Variants in RNF103 observed in about 807,000 individuals in gnomAD.
The protein encoded by RNF103 is ring finger protein 103, also known as E3 ubiquitin-protein ligase RNF103.
RNF103 carries 23 observed loss-of-function variants against 66.2 expected under a neutral mutation model. The observed-to-expected ratio is 0.35, with a 90% CI of 0.25 to 0.49. The LOEUF (loss-of-function observed/expected upper bound fraction) is 0.49, where lower values mean the gene tolerates loss of function less well. Ranked by LOEUF, RNF103 falls within the 20% of genes least tolerant of loss-of-function variation. The pLI, the probability that RNF103 is intolerant of heterozygous loss-of-function variation, is 0.98. For missense variants in RNF103, 730 were observed against 814.7 expected (o/e 0.90, Z 1.27); for synonymous variants, 297 against 289.9 (o/e 1.02, Z -0.25).
Position 86,604,225 on chromosome 2 carries a change from C to T in RNF103, c.1676G>A (p.Ser559Asn). 6.2e-7 allele frequency: 1 copy of T among 1,614,102 alleles called. No homozygotes were observed. Residue 559 changes from serine to asparagine, a missense_variant, in exon 4 of 4, where the codon AGC becomes AAC. Around this residue, in one of 3 missense-constraint regions of RNF103, gnomAD observed 355 missense variants for 351.9 expected, o/e 1.01. Transcript: ENST00000237455. ...TGTTCCTGGAGAATTGTGAAGTACG[C>T]TTTGCTTATCTTCAAATACTTCCTT... The part of the protein sequence containing the change: ...SEKEVFEDKQ[S>N]VLHNSPGTAS...
Position 86,604,754 on chromosome 2 carries a change from A to G in RNF103, c.1147T>C (p.Leu383=). The change falls in exon 4 of 4, where the codon TTA becomes CTA. Residue 383 remains leucine (L), a synonymous_variant. Coordinates refer to ENST00000237455, the MANE Select transcript of RNF103 (RefSeq NM_005667.4). ...AAGCTATATTCATAAAAGCTATCTA[A>G]GTAAGGTAGCTGTAAAAAGCCCAAC... ...PVLGFLQLPY[L]DSFYEYSLKL... 1 of 1,614,082 alleles carries G rather than the reference A, an allele frequency of 6.2e-7. No homozygotes were observed. The highest frequency in any genetic ancestry group is 1.3e-5 in the African/African-American group (1 of 75,046).
chr2:86,604,425 G>A lies in RNF103; in HGVS notation c.1476C>T (p.Arg492=), dbSNP rs187146130. Residue 492 remains arginine, a synonymous_variant, in exon 4 of 4, where the codon CGC becomes CGT. Coordinates refer to ENST00000237455, the MANE Select transcript of RNF103 (RefSeq NM_005667.4). ...GAAGCCAAAGGTCAGGGAAAGCTAA[G>A]CGCTCCAAGAATAAGTCAGGGTCTT... ...WDEDPDLFLE[R]LAFPDLWLHP... is the part of the protein sequence containing the mutation. 5.6e-6 allele frequency: 9 copies of A among 1,614,216 alleles called. No individual in the cohort carries two copies. The East Asian group carries it at 1.8e-4, about 32-fold the overall frequency.
At chr2:86,614,931 A>C (rs1678959168) in intron 2 of RNF103, 1 of 985,422 alleles carries the variant, frequency 1.0e-6, no homozygotes, top group Non-Finnish European at 1.2e-6. Flanking sequence ...GCAGAATGAC[A>C]CTGCTCCAAG....
At chr2:86,617,224 T>A in intron 2 of RNF103, 1 of 984,964 alleles carries the variant, frequency 1.0e-6, no homozygotes, top group Non-Finnish European at 1.2e-6. Flanking sequence ...ATGAAGAGGA[T>A]TGAACTGGCT....
chr2:86,615,538 A>AAT (rs1553415800), intron 2 of RNF103, among the ~76,000 whole-genome samples: 12 of 137,258 alleles, frequency 8.7e-5, no homozygotes, highest in African/African-American at 1.8e-4. Flanking sequence ...ATATATATAT[A>AAT]ATATATATAC....
chr2:86,617,932 G>T, intron 2 of RNF103: 2 of 804,608 alleles, frequency 2.5e-6, no homozygotes, highest in Non-Finnish European at 3.6e-6. Context: ...TTCAGACCAG[G>T]CCAGCCATTT....
intron 2 of RNF103, among the ~76,000 whole-genome samples, chr2:86,618,918 G>A (rs1679119844): frequency 6.6e-6 from 1 of 152,168 alleles, no homozygotes; most frequent in African/African-American, 2.4e-5. Context: ...AATAGATAAT[G>A]TATAGACTAC....
At chr2:86,612,751 A>T (rs1678847441) in intron 2 of RNF103, 1 of 152,672 alleles carries the variant, frequency 6.5e-6, no homozygotes. Flanking sequence ...AGTCAAACAC[A>T]TGTTTTCTAT....
At chr2:86,616,675 G>A in intron 2 of RNF103, 1 of 985,306 alleles carries the variant, frequency 1.0e-6, no homozygotes, top group Non-Finnish European at 1.2e-6. Context: ...AGTAAATATT[G>A]ACCCAAAGCT....
intron 2 of RNF103, chr2:86,615,229 AAG>A (rs1338514350): frequency 2.9e-5 from 29 of 985,294 alleles, no homozygotes; most frequent in Non-Finnish European, 3.5e-5. Context: ...TTTGGTTTTG[AAG>A]AGTTTAAGGA....
At chr2:86,613,957 G>A (rs1427653107) in intron 2 of RNF103, 1 of 152,020 alleles carries the variant, frequency 6.6e-6, no homozygotes, top group Admixed American at 6.6e-5. Flanking sequence ...AAGGGACAGG[G>A]TCTCACTCTG....
In RNF103 at chr2:86,620,347, C is replaced by T; in HGVS notation, c.349G>A (p.Gly117Ser). The T allele has an allele frequency of 6.2e-7, 1 of 1,602,986 alleles. No individual in the cohort carries two copies. The highest frequency in any genetic ancestry group is 2.2e-5 in the East Asian group (1 of 44,824). ...FYELVEDTKD[G>S]IWLVQVIAND... is the part of the protein sequence containing the mutation. ...TTTCATACCTGAACCAGCCAGATGC[C>T]ATCTTTTGTGTCTTCCACAAGCTCA... Residue 117 changes from glycine (G) to serine (S), a missense_variant, in exon 2 of 4, where the codon GGC becomes AGC. Coordinates refer to ENST00000237455, the MANE Select transcript of RNF103 (RefSeq NM_005667.4).
chr2:86,612,170 G>A lies in RNF103; in HGVS notation c.471C>T (p.Ser157=). 6.2e-7 allele frequency: 1 copy of A among 1,608,244 alleles called. No individual in the cohort carries two copies. Among genetic ancestry groups the A allele is most frequent in the Non-Finnish European group, 8.5e-7 (1 of 1,177,424 alleles). Residue 157 remains serine (S), a synonymous_variant, in exon 3 of 4, where the codon TCC becomes TCT. Coordinates refer to ENST00000237455, the MANE Select transcript of RNF103 (RefSeq NM_005667.4). ...FGIRTGTFNC[S]SDPRYCRRRG... ...CCTAATCAACTTACCTGGGATCACT[G>A]GAACAGTTAAATGTGCCTGTACGTA...
intron 2 of RNF103, chr2:86,617,429 T>C: frequency 1.9e-6 from 1 of 531,940 alleles, no homozygotes; most frequent in Non-Finnish European, 2.4e-6. Context: ...TTTACATAAA[T>C]GTTATTTCAG....
intron 2 of RNF103, 90 bp downstream of exon 2, chr2:86,620,240 A>G: frequency 7.2e-7 from 1 of 1,385,410 alleles, no homozygotes; most frequent in Non-Finnish European, 9.5e-7. Flanking sequence ...ACACAAGGAC[A>G]CGGAAGTGTC....
chr2:86,616,631 C>T, intron 2 of RNF103: 1 of 985,310 alleles, frequency 1.0e-6, no homozygotes, highest in African/African-American at 1.7e-5. Context: ...TAACTCTTGT[C>T]AGCCAAACAG....
chr2:86,615,257 G>A (rs1300988053), intron 2 of RNF103: 1 of 984,976 alleles, frequency 1.0e-6, no homozygotes, highest in East Asian at 1.1e-4. Context: ...GACTGACAGA[G>A]CTACACAAAA....
intron 3 of RNF103, among the ~76,000 whole-genome samples, chr2:86,611,855 A>C (rs1678807051): frequency 6.6e-6 from 1 of 152,156 alleles, no homozygotes; most frequent in South Asian, 2.1e-4. Flanking sequence ...TTGGAAAAGA[A>C]AGGTGAAATG....
chr2:86,617,340 C>CA (rs913647611), intron 2 of RNF103: 20 of 984,486 alleles, frequency 2.0e-5, no homozygotes, highest in Admixed American at 6.1e-5. Flanking sequence ...CTCCCCTTAC[C>CA]CTCAGTTTCA....
Sources: gnomAD v4.1 joint callset for allele counts (sites outside exome capture counted in the v4.1 genomes callset) on GRCh38, gnomAD v4.1.1 for gene constraint, gnomAD v4.1.1 regional missense constraint, MANE v1.5 for transcripts, NCBI Gene and HGNC (gene_info 2026-07-23, HGNC 2026-07-21) for gene names.